Variants in CPA3 observed in about 807,000 individuals in gnomAD.
The protein encoded by CPA3 is carboxypeptidase A3, also known as mast cell carboxypeptidase A.
In CPA3, 52 loss-of-function variants were observed where a neutral mutation model predicts 55.8. The observed-to-expected ratio is 0.93, with a 90% CI of 0.75 to 1.17. CPA3 has a LOEUF of 1.17. Among genes scored for constraint, CPA3 ranks in the 50% most tolerant of loss-of-function variants. CPA3 has a pLI of 0.00. For missense variants in CPA3, 547 were observed against 509.1 expected, an observed-to-expected ratio of 1.07 and a Z score of -0.72; for synonymous variants, 179 against 171.2, an observed-to-expected ratio of 1.05 and a Z score of -0.36.
At chr3:148,890,708 T>C (rs1017391008) in intron 10 of CPA3, among the ~76,000 whole-genome samples, 8 of 152,226 alleles carry the variant, frequency 5.3e-5, no homozygotes, top group Non-Finnish European at 1.0e-4. Flanking sequence ...TAATATTTTT[T>C]AAAACGATAC....
intron 10 of CPA3, among the ~76,000 whole-genome samples, chr3:148,890,405 T>C (rs1262034273): frequency 6.6e-6 from 1 of 152,214 alleles, no homozygotes; most frequent in Non-Finnish European, 1.5e-5. Flanking sequence ...ACATTTCTTG[T>C]AGCTTCCTTT....
intron 10 of CPA3, among the ~76,000 whole-genome samples, chr3:148,891,883 C>T (rs891069131): frequency 6.6e-6 from 1 of 152,206 alleles, no homozygotes; most frequent in Non-Finnish European, 1.5e-5. Flanking sequence ...TTCCTATTTA[C>T]TTTACCTCCT....
Position 148,880,466 on chromosome 3 carries a change from G to A in CPA3, c.576+577G>A, listed in dbSNP as rs1372700103. ...ACTACCTCAGTCTCCAAAGTAGCTGGAACTACAGGCATGCGCCACCATGCC... is the reference window on the plus strand; with the variant it reads ...ACTACCTCAGTCTCCAAAGTAGCTGAAACTACAGGCATGCGCCACCATGCC... On this transcript the variant is annotated intron_variant, in intron 6 of 10. Transcript: ENST00000296046. 2.6e-5 allele frequency among the ~76,000 whole-genome samples: 4 copies of A among 151,906 alleles called. No individual in the cohort carries two copies. The East Asian group carries it at 7.7e-4, about 29-fold the overall frequency.
rs1196911181 is a variant in CPA3 at position 148,883,821 on chromosome 3, T to C, written c.981+6T>C. ...CACCTAACCATGAGGACTTGGTACG[T>C]AGACAAAAGTTTGCACTTCATGCAT... On this transcript the variant is annotated splice_donor_region_variant and intron_variant, in intron 9 of 10. Transcript: ENST00000296046. 1.9e-6 allele frequency: 3 copies of C among 1,608,912 alleles called. No individual in the cohort carries two copies. The highest frequency in any genetic ancestry group is 1.3e-5 in the African/African-American group (1 of 74,904).
At chr3:148,893,031 T>G (rs1714719827) in intron 10 of CPA3, among the ~76,000 whole-genome samples, 4 of 152,146 alleles carry the variant, frequency 2.6e-5, no homozygotes. Flanking sequence ...TTACTAAACC[T>G]GAACAGGGTG....
intron 10 of CPA3, among the ~76,000 whole-genome samples, chr3:148,891,111 A>T (rs188031697): frequency 9.8e-5 from 15 of 152,288 alleles, no homozygotes; most frequent in African/African-American, 2.6e-4. Context: ...CAAGTTGCTT[A>T]ATCTCTCTGA....
rs556361851 is a variant in CPA3 at position 148,869,071 on chromosome 3, G to T, written c.269+32G>T. ...CCTTGGCAAATATTGAAATTTGTTG[G>T]ATATTCAAAGTTTTGGGAGCCTTGA... is the stretch of plus-strand genomic sequence containing the variant. On this transcript the variant is annotated intron_variant, in intron 3 of 10. Coordinates refer to ENST00000296046, the MANE Select transcript of CPA3 (RefSeq NM_001870.4). 1.3e-5 allele frequency: 21 copies of T among 1,604,646 alleles called. No individual in the cohort carries two copies. In the South Asian group the frequency reaches 2.0e-4, roughly 15 times the overall value.
intron 9 of CPA3, 58 bp downstream of exon 9, chr3:148,883,873 T>C: frequency 7.9e-7 from 1 of 1,264,092 alleles, no homozygotes; most frequent in Non-Finnish European, 1.2e-6. Context: ...TTTCAGTCTG[T>C]TCTTCATTAA....
chr3:148,887,550 C>T (rs1294167335), intron 10 of CPA3, among the ~76,000 whole-genome samples: 3 of 152,134 alleles, frequency 2.0e-5, no homozygotes, highest in African/African-American at 7.2e-5. Flanking sequence ...GCTGAAATAT[C>T]CAGGATTTTC....
chr3:148,878,134 C>T (rs1714258691), intron 3 of CPA3, among the ~76,000 whole-genome samples: 1 of 152,162 alleles, frequency 6.6e-6, no homozygotes, highest in Non-Finnish European at 1.5e-5. Context: ...TTTATACTAT[C>T]TTCAAAATCT....
chr3:148,869,350 G>T (rs1002902198), intron 3 of CPA3, among the ~76,000 whole-genome samples: 9 of 152,200 alleles, frequency 5.9e-5, no homozygotes, highest in Non-Finnish European at 1.0e-4. Context: ...AGGCATGAAT[G>T]GTTTAGCCAC....
At chr3:148,892,859 A>G (rs1714712404) in intron 10 of CPA3, among the ~76,000 whole-genome samples, 2 of 36,730 alleles carry the variant, frequency 5.4e-5, no homozygotes, top group African/African-American at 1.3e-4. Flanking sequence ...GCGCCTGTAG[A>G]GAGGAGAAGC....
chr3:148,888,612 G>T (rs1714594383), intron 10 of CPA3, among the ~76,000 whole-genome samples: 1 of 152,184 alleles, frequency 6.6e-6, no homozygotes, highest in Admixed American at 6.5e-5. Flanking sequence ...CTAATAAATA[G>T]CAGGGCCAGA....
chr3:148,886,079 T>G lies in CPA3; in HGVS notation c.982-14T>G. The stretch of plus-strand genomic sequence containing the variant: ...GTATCCTATTATTTCACTCTAACTT[T>G]CCTTTCTCTCCAGGCCAAAGTTGCA... On this transcript the variant is annotated splice_polypyrimidine_tract_variant and intron_variant, in intron 9 of 10. Transcript: ENST00000296046. 1.3e-6 allele frequency: 2 copies of G among 1,590,042 alleles called. No individual in the cohort carries two copies. The highest frequency in any genetic ancestry group is 1.7e-6 in the Non-Finnish European group (2 of 1,159,198).
intron 10 of CPA3, among the ~76,000 whole-genome samples, chr3:148,892,399 T>C (rs13082770): frequency 0.43 from 66,090 of 151,936 alleles, 16,747 homozygotes; most frequent in Non-Finnish European, 0.57. Context: ...ATGCCTGTAA[T>C]CTTAGCACTT....
chr3:148,886,032 C>T (rs563053577), intron 9 of CPA3, 61 bp from the exon 10 acceptor site: 23 of 1,160,218 alleles, frequency 2.0e-5, no homozygotes, highest in Non-Finnish European at 3.0e-5. Flanking sequence ...TACATAATTA[C>T]ATATTCCTTG....
At chr3:148,892,453 G>A (rs1714697008) in intron 10 of CPA3, among the ~76,000 whole-genome samples, 1 of 152,076 alleles carries the variant, frequency 6.6e-6, no homozygotes, top group African/African-American at 2.4e-5. Context: ...AGGAGTCCGA[G>A]ACCAGCCTGG....
rs1714268791 is a variant in CPA3 at position 148,878,473 on chromosome 3, A to G, written c.302A>G (p.Glu101Gly). Residue 101 changes from glutamate (E) to glycine (G), a missense_variant, in exon 4 of 11, where the codon GAG becomes GGG. Transcript: ENST00000296046. ...ILIHDLQEEI[E>G]KQFDVKEDIP... ...ATTCATGATCTACAAGAAGAGATTG[A>G]GAAACAGTTTGATGTTAAAGAAGAT... 1 of 1,612,842 alleles carries G rather than the reference A, an allele frequency of 6.2e-7. No individual in the cohort carries two copies. The highest frequency in any genetic ancestry group is 1.3e-5 in the African/African-American group (1 of 74,926).
At chr3:148,879,587 T>C (rs568728007) in intron 5 of CPA3, among the ~76,000 whole-genome samples, 1 of 152,304 alleles carries the variant, frequency 6.6e-6, no homozygotes, top group African/African-American at 2.4e-5. Flanking sequence ...AAAATATGCA[T>C]TGTAATAGAT....
Sources: gnomAD v4.1 joint callset for allele counts (sites outside exome capture counted in the v4.1 genomes callset) on GRCh38, gnomAD v4.1.1 for gene constraint, MANE v1.5 for transcripts, NCBI Gene and HGNC (gene_info 2026-07-23, HGNC 2026-07-21) for gene names.